Variants in TBC1D8 observed in about 807,000 individuals in gnomAD.
TBC1D8 encodes TBC1 domain family member 8.
Under a neutral mutation model 118.8 loss-of-function variants are expected in TBC1D8, and 65 were observed. The observed-to-expected ratio is 0.55, with a 90% CI of 0.45 to 0.67. TBC1D8 has a LOEUF of 0.67. Ranked by LOEUF, TBC1D8 falls within the 30% of genes least tolerant of loss-of-function variation. The probability of loss-of-function intolerance (pLI) is 0.00; values close to 1 mark genes in which losing one functional copy is unlikely to be tolerated. For missense variants in TBC1D8, 1,376 were observed against 1,471.2 expected, an observed-to-expected ratio of 0.94 and a Z score of 1.06; for synonymous variants, 566 against 595.8, an observed-to-expected ratio of 0.95 and a Z score of 0.73.
intron 13 of TBC1D8, 69 bp downstream of exon 13, chr2:101,028,234 C>T: frequency 6.3e-7 from 1 of 1,592,548 alleles, no homozygotes; most frequent in South Asian, 1.1e-5. Context: ...CCTTCCACAT[C>T]CATCCCCCAG....
At chr2:101,133,205 G>A (rs1274313673) in intron 1 of TBC1D8, among the ~76,000 whole-genome samples, 1 of 149,388 alleles carries the variant, frequency 6.7e-6, no homozygotes, top group Non-Finnish European at 1.5e-5. Context: ...TAAGCAATAA[G>A]AAAATTATCT....
chr2:101,124,530 A>T (rs1279311068), intron 1 of TBC1D8, among the ~76,000 whole-genome samples: 1 of 152,134 alleles, frequency 6.6e-6, no homozygotes, highest in Non-Finnish European at 1.5e-5. Flanking sequence ...AATACAGTAC[A>T]CTCCGCTGGC....
chr2:101,078,244 C>G lies in TBC1D8; in HGVS notation c.283+11965G>C, dbSNP rs140882164. On this transcript the variant is annotated intron_variant, in intron 2 of 19. Transcript: ENST00000409318. ...TTAAACTCTTTATTGCAATTCCCAT[C>G]TTGAGAAATCGGTTCTAAATGGGCA... is the stretch of plus-strand genomic sequence containing the variant. Among the ~76,000 whole-genome samples the G allele has an allele frequency of 2.7e-3, 417 of 152,302 alleles. 6 individuals are homozygous for G. The highest frequency in any genetic ancestry group is 7.8e-4 in the Non-Finnish European group (53 of 68,024).
Position 101,104,974 on chromosome 2 carries a change from G to A in TBC1D8, c.128-14610C>T, listed in dbSNP as rs886422103. Reference sequence around the variant, plus strand: ...CGGGAGGTGGAGGTTGCAGTGAGCCGAGATCACACCATTGCACTCCAGCCT... The same window carrying A: ...CGGGAGGTGGAGGTTGCAGTGAGCCAAGATCACACCATTGCACTCCAGCCT... On this transcript the variant is annotated intron_variant, in intron 1 of 19. Coordinates refer to ENST00000409318, the MANE Select transcript of TBC1D8 (RefSeq NM_001330348.2). Among the ~76,000 whole-genome samples the A allele has an allele frequency of 2.2e-4, 32 of 144,256 alleles. 1 individual carries two copies. Among genetic ancestry groups the A allele is most frequent in the Non-Finnish European group, 4.1e-4 (27 of 66,204 alleles). 94.6% of individuals were successfully genotyped at this position (144,256 alleles called of 152,430 possible).
intron 2 of TBC1D8, among the ~76,000 whole-genome samples, chr2:101,073,355 C>T (rs1406414715): frequency 6.7e-6 from 1 of 150,208 alleles, no homozygotes; most frequent in Non-Finnish European, 1.5e-5. Flanking sequence ...AGTGCAGTGC[C>T]ACGATCTCGG....
At chr2:101,128,602 A>C (rs1230198831) in intron 1 of TBC1D8, among the ~76,000 whole-genome samples, 3 of 152,244 alleles carry the variant, frequency 2.0e-5, no homozygotes, top group Non-Finnish European at 4.4e-5. Flanking sequence ...TCTATACCCA[A>C]AAGTGAGAGC....
intron 1 of TBC1D8, among the ~76,000 whole-genome samples, chr2:101,134,091 C>G (rs1168441028): frequency 2.0e-5 from 3 of 151,912 alleles, no homozygotes; most frequent in Non-Finnish European, 4.4e-5. Context: ...AGAGCCAAAC[C>G]CTATCAGGGT....
chr2:101,140,522 C>T (rs1286052053), intron 1 of TBC1D8, among the ~76,000 whole-genome samples: 1 of 152,106 alleles, frequency 6.6e-6, no homozygotes, highest in Admixed American at 6.6e-5. Context: ...CCAAACAGAG[C>T]TGCCCACCAG....
chr2:101,148,300 T>C (rs1049904069), intron 1 of TBC1D8, among the ~76,000 whole-genome samples: 3 of 152,096 alleles, frequency 2.0e-5, no homozygotes, highest in Non-Finnish European at 4.4e-5. Flanking sequence ...CACCCAACTT[T>C]TAAGAAAAAA....
In TBC1D8 at chr2:101,151,226, G is replaced by A; in HGVS notation, c.28C>T (p.Leu10=). 1 of 1,247,500 alleles carries A rather than the reference G, an allele frequency of 8.0e-7. No individual in the cohort carries two copies. The highest frequency in any genetic ancestry group is 1.6e-5 in the African/African-American group (1 of 62,922). The allele number at this position is 1,247,500 out of a possible 1,614,324, so 77.3% of individuals were successfully genotyped here. A position where few individuals can be genotyped will look rare whatever the true frequency, so the allele number is the denominator to read the frequency against. Residue 10 remains leucine (L), a synonymous_variant, in exon 1 of 20, where the codon CTG becomes TTG. Coordinates refer to ENST00000409318, the MANE Select transcript of TBC1D8 (RefSeq NM_001330348.2). MWLKPEEVL[L]KNALKLWVTQ... ...ACCCAGAGCTTCAGCGCGTTCTTCAGCAGCACCTCCTCGGGCTTGAGCCAC... is the reference window on the plus strand; with the variant it reads ...ACCCAGAGCTTCAGCGCGTTCTTCAACAGCACCTCCTCGGGCTTGAGCCAC...
intron 19 of TBC1D8, 51 bp from the exon 20 acceptor site, chr2:101,008,324 A>T (rs951850394): frequency 8.8e-5 from 104 of 1,188,164 alleles, no homozygotes; most frequent in Non-Finnish European, 1.0e-4. Context: ...TGGAAGTGTC[A>T]TTTTTTTTTT....
chr2:101,097,981 AT>A (rs1464072316), intron 1 of TBC1D8, among the ~76,000 whole-genome samples: 2 of 152,344 alleles, frequency 1.3e-5, no homozygotes, highest in East Asian at 1.9e-4. Context: ...ACTACTACAA[AT>A]TTTTTTAAGG....
rs1679741592 is a variant in TBC1D8, at chr2:101,017,491, G to C, written c.2827+4190C>G. 2.0e-5 allele frequency among the ~76,000 whole-genome samples: 3 copies of C among 152,220 alleles called. No homozygotes were observed. In the South Asian group the frequency reaches 6.2e-4, roughly 32 times the overall value. On this transcript the variant is annotated intron_variant, in intron 17 of 19. Coordinates refer to ENST00000409318, the MANE Select transcript of TBC1D8 (RefSeq NM_001330348.2). ...ATGGTGTTTACAATGGCTAAGATAG[G>C]AATTTTTCAGTCTCGCTGTAATCCT...
intron 2 of TBC1D8, among the ~76,000 whole-genome samples, chr2:101,067,720 TG>T (rs1324362006): frequency 1.3e-5 from 2 of 152,200 alleles, no homozygotes; most frequent in African/African-American, 2.4e-5. Flanking sequence ...TGCTGGCTGC[TG>T]AAAGTTGGGA....
chr2:101,067,535 C>T (rs1683081053), intron 2 of TBC1D8, among the ~76,000 whole-genome samples: 1 of 152,098 alleles, frequency 6.6e-6, no homozygotes, highest in Non-Finnish European at 1.5e-5. Context: ...TCACAGTATG[C>T]TGTTAGTCTA....
chr2:101,008,153 C>T lies in TBC1D8; in HGVS notation c.3136G>A (p.Gly1046Arg), dbSNP rs1174515353. Residue 1046 changes from glycine (G) to arginine (R), a missense_variant, in exon 20 of 20, where the codon GGG becomes AGG. Gly to Arg is a moderately radical substitution (Grantham distance 125). Coordinates refer to ENST00000409318, the MANE Select transcript of TBC1D8 (RefSeq NM_001330348.2). ...CTTCCAGAGCTGCTGCCTCGCTGCC[C>T]CACCTCCCCGATCTGCAGCAGCAGT... ...TTLLLQIGEV[G>R]QRGSSSGSCS... 2 of 1,613,822 alleles carry T rather than the reference C, an allele frequency of 1.2e-6. No individual in the cohort carries two copies. Among genetic ancestry groups the T allele is most frequent in the Non-Finnish European group, 8.5e-7 (1 of 1,179,806 alleles).
intron 11 of TBC1D8, chr2:101,030,018 G>T: frequency 2.3e-6 from 1 of 443,902 alleles, no homozygotes; most frequent in Non-Finnish European, 4.0e-6. Flanking sequence ...AATAAAAAAG[G>T]AACACTAGCC....
chr2:101,102,055 G>C (rs1198918608), intron 1 of TBC1D8, among the ~76,000 whole-genome samples: 2 of 149,938 alleles, frequency 1.3e-5, no homozygotes, highest in African/African-American at 4.9e-5. Flanking sequence ...GTGGAGAGGA[G>C]GGGAGGGAAG....
chr2:101,024,223 A>G (rs1230003814), intron 15 of TBC1D8, among the ~76,000 whole-genome samples: 1 of 152,212 alleles, frequency 6.6e-6, no homozygotes, highest in Non-Finnish European at 1.5e-5. Context: ...AGAGTAGAGA[A>G]CTAGCCAATA....
Sources: gnomAD v4.1 joint callset for allele counts (sites outside exome capture counted in the v4.1 genomes callset) on GRCh38, gnomAD v4.1.1 for gene constraint, MANE v1.5 for transcripts, NCBI Gene and HGNC (gene_info 2026-07-23, HGNC 2026-07-21) for gene names.